TACR3: variants seen among roughly 807,000 people sequenced by gnomAD.
The protein encoded by TACR3 is neuromedin-K receptor.
In TACR3, 34 loss-of-function variants were observed where a neutral mutation model predicts 35.0. That is an observed-to-expected ratio of 0.97 (90% CI 0.74 to 1.30). The LOEUF is 1.30. Ranked by LOEUF, TACR3 falls within the 50% of genes most tolerant of loss-of-function variation. TACR3 has a pLI of 0.00. For synonymous variants in TACR3, 233 were observed against 221.1 expected (o/e 1.05, Z -0.48); for missense variants, 558 against 591.7 (o/e 0.94, Z 0.59).
chr4:103,685,991 T>C (rs868642864), intron 1 of TACR3, among the ~76,000 whole-genome samples: 16 of 152,272 alleles, frequency 1.1e-4, no homozygotes, highest in Middle Eastern at 3.4e-3. Flanking sequence ...AGGGTATTTG[T>C]TGAAAATAAT....
At chr4:103,632,650 GTT>G (rs531622350) in intron 3 of TACR3, among the ~76,000 whole-genome samples, 1 of 142,156 alleles carries the variant, frequency 7.0e-6, no homozygotes. Context: ...CATGTATCCT[GTT>G]TTTTTTTTTT....
intron 1 of TACR3, among the ~76,000 whole-genome samples, chr4:103,667,972 G>T (rs776834453): frequency 6.6e-6 from 1 of 151,980 alleles, no homozygotes; most frequent in African/African-American, 2.4e-5. Context: ...GGGACCAGAG[G>T]TGTGCCCCAA....
chr4:103,661,018 T>C (rs772428342), intron 1 of TACR3, among the ~76,000 whole-genome samples: 13 of 152,070 alleles, frequency 8.5e-5, no homozygotes, highest in Non-Finnish European at 1.5e-4. Flanking sequence ...TTGTTCATAA[T>C]GATCCAGATA....
At chr4:103,716,553 A>G (rs1235043066) in intron 1 of TACR3, among the ~76,000 whole-genome samples, 2 of 152,138 alleles carry the variant, frequency 1.3e-5, no homozygotes, top group African/African-American at 4.8e-5. Flanking sequence ...TTTTATTATA[A>G]CAATTGTGTG....
At chr4:103,595,808 G>A (rs1376475093) in intron 3 of TACR3, among the ~76,000 whole-genome samples, 17 of 150,932 alleles carry the variant, frequency 1.1e-4, no homozygotes, top group Admixed American at 1.1e-3. Context: ...GTGCAGGTTA[G>A]TTACATATGT....
intron 3 of TACR3, among the ~76,000 whole-genome samples, chr4:103,604,150 C>T (rs964512952): frequency 6.6e-6 from 1 of 152,204 alleles, no homozygotes; most frequent in African/African-American, 2.4e-5. Flanking sequence ...TACTGCAAGG[C>T]TATAGTAACC....
chr4:103,694,799 G>T (rs1404841753), intron 1 of TACR3, among the ~76,000 whole-genome samples: 3 of 151,932 alleles, frequency 2.0e-5, no homozygotes, highest in African/African-American at 7.2e-5. Context: ...TAGTCTTTAA[G>T]GCATGTATTA....
At chr4:103,629,427 G>A (rs2110310091) in intron 3 of TACR3, among the ~76,000 whole-genome samples, 1 of 152,152 alleles carries the variant, frequency 6.6e-6, no homozygotes, top group East Asian at 1.9e-4. Flanking sequence ...AAGCTGATAA[G>A]CAACTTCAGC....
At chr4:103,692,020 G>A (rs1722414162) in intron 1 of TACR3, among the ~76,000 whole-genome samples, 2 of 152,288 alleles carry the variant, frequency 1.3e-5, no homozygotes, top group South Asian at 4.1e-4. Context: ...ATATTTCTGT[G>A]TGTGTGTGTC....
chr4:103,647,495 T>C (rs1725487802), intron 3 of TACR3, among the ~76,000 whole-genome samples: 1 of 151,886 alleles, frequency 6.6e-6, no homozygotes, highest in South Asian at 2.1e-4. Context: ...ATTTCCAACT[T>C]GAATATCATA....
intron 3 of TACR3, among the ~76,000 whole-genome samples, chr4:103,605,779 G>A (rs958456944): frequency 2.0e-5 from 3 of 151,594 alleles, no homozygotes; most frequent in Non-Finnish European, 4.4e-5. Flanking sequence ...TAGGTTGCCT[G>A]TTCACTCTGA....
At chr4:103,683,865 GGAGA>G (rs968134950) in intron 1 of TACR3, among the ~76,000 whole-genome samples, 1 of 150,534 alleles carries the variant, frequency 6.6e-6, no homozygotes, top group Admixed American at 6.6e-5. Flanking sequence ...AGAGAAATGA[GGAGA>G]GAGAGAGAGG....
At chr4:103,666,254 C>G (rs114743930) in intron 1 of TACR3, among the ~76,000 whole-genome samples, 2 of 152,060 alleles carry the variant, frequency 1.3e-5, no homozygotes, top group Admixed American at 6.6e-5. Context: ...GGTATAACTT[C>G]CACAAGAAAG....
At chr4:103,604,094 C>T (rs1403422755) in intron 3 of TACR3, among the ~76,000 whole-genome samples, 1 of 152,166 alleles carries the variant, frequency 6.6e-6, no homozygotes, top group Non-Finnish European at 1.5e-5. Flanking sequence ...CAATCCTAAG[C>T]TAAAAGAACA....
chr4:103,656,463 T>G, intron 2 of TACR3, 119 bp from the exon 3 acceptor site: 3 of 917,578 alleles, frequency 3.3e-6, no homozygotes, highest in African/African-American at 1.6e-5. Flanking sequence ...ACATTATCTC[T>G]ATACATTCAT....
chr4:103,711,437 TCAA>T (rs1203947351), intron 1 of TACR3, among the ~76,000 whole-genome samples: 1 of 152,124 alleles, frequency 6.6e-6, no homozygotes, highest in Admixed American at 6.6e-5. Context: ...TTGACGAAAT[TCAA>T]CAACACTTCA....
intron 1 of TACR3, among the ~76,000 whole-genome samples, chr4:103,687,584 G>A (rs866087328): frequency 0.011 from 1,657 of 152,048 alleles, 36 homozygotes; most frequent in African/African-American, 0.038. Flanking sequence ...AAAATCACAA[G>A]CATTCTTATA....
intron 1 of TACR3, among the ~76,000 whole-genome samples, chr4:103,662,328 C>A (rs970047616): frequency 7.4e-5 from 11 of 149,564 alleles, no homozygotes; most frequent in African/African-American, 2.5e-4. Context: ...TCAAGCAATT[C>A]TCTTGTCTCA....
At chr4:103,648,337 T>C (rs1025250391) in intron 3 of TACR3, among the ~76,000 whole-genome samples, 2 of 152,060 alleles carry the variant, frequency 1.3e-5, no homozygotes, top group Non-Finnish European at 2.9e-5. Flanking sequence ...AAATTATTGT[T>C]GACGGTAGTC....
Sources: allele counts gnomAD v4.1 joint callset (sites outside exome capture counted in the v4.1 genomes callset), GRCh38; gene constraint gnomAD v4.1.1; transcripts MANE v1.5; gene names NCBI Gene and HGNC (gene_info 2026-07-23, HGNC 2026-07-21).